The following OR2L13 variants were observed in gnomAD, a reference collection of about 807,000 sequenced individuals.
The protein encoded by OR2L13 is olfactory receptor 2L13.
A neutral mutation model predicts 15.3 loss-of-function variants in OR2L13; 14 were observed. That is an observed-to-expected ratio of 0.91 (90% CI 0.60 to 1.43). OR2L13 has a LOEUF of 1.43. Ranked by LOEUF, OR2L13 falls within the 40% of genes most tolerant of loss-of-function variation. OR2L13 has a pLI of 0.00. For synonymous variants in OR2L13, 152 were observed against 142.9 expected (o/e 1.06, Z -0.45); for missense variants, 367 against 387.9 (o/e 0.95, Z 0.45).
At chr1:247,965,152 C>G in the OR2L13 span, 6 of 489,208 alleles carry the variant, frequency 1.2e-5, no homozygotes, top group African/African-American at 1.0e-4. Context: ...TTAGGTAATT[C>G]TTCCAAAAAG....
the OR2L13 span, chr1:248,022,602 T>C: frequency 8.3e-5 from 134 of 1,614,164 alleles, no homozygotes; most frequent in East Asian, 1.4e-3. Context: ...TTCCTATGGC[T>C]GGGTTCTCCT....
At chr1:248,006,917 C>T in the OR2L13 span, among the ~76,000 whole-genome samples, 1 of 152,180 alleles carries the variant, frequency 6.6e-6, no homozygotes, top group Non-Finnish European at 1.5e-5. Context: ...AAACACATTT[C>T]TCTTGTTTAT....
chr1:248,061,299 C>T, the OR2L13 span: 29 of 1,612,458 alleles, frequency 1.8e-5, no homozygotes, highest in South Asian at 1.2e-4. Flanking sequence ...CCATCTTTCT[C>T]GTGTTTCCCT....
the OR2L13 span, among the ~76,000 whole-genome samples, chr1:248,068,854 A>T: frequency 5.4e-3 from 816 of 152,348 alleles, 10 homozygotes; most frequent in African/African-American, 0.019. Context: ...CGATGCAATC[A>T]ACTGGAAGAA....
the OR2L13 span, among the ~76,000 whole-genome samples, chr1:247,984,157 G>A: frequency 1.3e-5 from 2 of 152,060 alleles, no homozygotes; most frequent in Non-Finnish European, 2.9e-5. Context: ...CGCGTCTGGT[G>A]GAGACAGTAA....
the OR2L13 span, among the ~76,000 whole-genome samples, chr1:247,980,493 A>C: frequency 2.0e-5 from 3 of 152,242 alleles, no homozygotes; most frequent in African/African-American, 7.2e-5. Flanking sequence ...GTAGGATTTC[A>C]TAAACTATTA....
the OR2L13 span, among the ~76,000 whole-genome samples, chr1:247,983,484 T>A: frequency 6.6e-6 from 1 of 152,204 alleles, no homozygotes. Flanking sequence ...GTGTATATGT[T>A]TTTAAATGGG....
At chr1:248,084,429 G>T in the OR2L13 span, 2 of 1,602,318 alleles carry the variant, frequency 1.2e-6, no homozygotes, top group Non-Finnish European at 1.7e-6. Flanking sequence ...GAAGTACATG[G>T]GCGTGTGGAG....
At chr1:248,041,770 T>A in the OR2L13 span, 11 of 151,988 alleles carry the variant, frequency 7.2e-5, no homozygotes, top group Non-Finnish European at 1.5e-4. Context: ...TGCTCACCGT[T>A]ACTGGCCGTC....
the OR2L13 span, among the ~76,000 whole-genome samples, chr1:247,952,224 G>C: frequency 6.6e-6 from 1 of 152,168 alleles, no homozygotes; most frequent in Non-Finnish European, 1.5e-5. Flanking sequence ...GCATATGCCC[G>C]TGAGGCCAGT....
At chr1:248,072,065 C>T in the OR2L13 span, among the ~76,000 whole-genome samples, 49 of 145,318 alleles carry the variant, frequency 3.4e-4, no homozygotes, top group Non-Finnish European at 5.7e-4. Flanking sequence ...AGGTAATTTA[C>T]AGATTCAATG....
At chr1:248,004,192 A>G in the OR2L13 span, 1 of 778,510 alleles carries the variant, frequency 1.3e-6, no homozygotes, top group Non-Finnish European at 1.9e-6. Context: ...AGAAAAAAAA[A>G]TCACTGATTT....
the OR2L13 span, chr1:248,045,968 A>G: frequency 6.6e-6 from 1 of 152,082 alleles, no homozygotes; most frequent in African/African-American, 2.4e-5. Flanking sequence ...CAATCAATAC[A>G]TGTTTAAAAA....
the OR2L13 span, among the ~76,000 whole-genome samples, chr1:248,082,885 ATGTCCATAAGT>A: frequency 1.3e-5 from 2 of 152,216 alleles, no homozygotes; most frequent in Non-Finnish European, 2.9e-5. Flanking sequence ...CCATGGATCT[ATGTCCATAAGT>A]CAAGGTAACC....
At chr1:248,098,720 T>C (rs1664785760) in exon 2 of OR2L13, 1 of 152,222 alleles carries the variant, frequency 6.6e-6, no homozygotes, top group South Asian at 2.1e-4. Context: ...GAGACATCAG[T>C]GTCTGCCTCA....
the OR2L13 span, among the ~76,000 whole-genome samples, chr1:248,019,726 C>CTCCT: frequency 6.7e-6 from 1 of 149,918 alleles, no homozygotes. Context: ...CGTCCTCCTC[C>CTCCT]TCCTTCCTTC....
the OR2L13 span, among the ~76,000 whole-genome samples, chr1:247,991,619 C>A: frequency 6.7e-6 from 1 of 149,206 alleles, no homozygotes; most frequent in African/African-American, 2.5e-5. Flanking sequence ...AAAACATTTG[C>A]AGTCACATCA....
chr1:247,940,743 TGTGTGTGTGTGTGC>T, the OR2L13 span, among the ~76,000 whole-genome samples: 1 of 150,752 alleles, frequency 6.6e-6, no homozygotes, highest in Non-Finnish European at 1.5e-5. Context: ...TGTGTGTGTG[TGTGTGTGTGTGTGC>T]GCGCGCTAAG....
chr1:248,023,742 T>G, the OR2L13 span: 1 of 152,202 alleles, frequency 6.6e-6, no homozygotes, highest in Non-Finnish European at 1.5e-5. Flanking sequence ...TTAGGTCCAT[T>G]CTCTGAGTGA....
Sources: allele counts gnomAD v4.1 joint callset (sites outside exome capture counted in the v4.1 genomes callset), GRCh38; gene constraint gnomAD v4.1.1; transcripts MANE v1.5; gene names NCBI Gene and HGNC (gene_info 2026-07-23, HGNC 2026-07-21).